The following NCOR1 variants were observed in gnomAD, a reference collection of about 807,000 sequenced individuals.
NCOR1 encodes protein phosphatase 1, regulatory subunit 109.
NCOR1 carries 63 observed loss-of-function variants against 288.1 expected under a neutral mutation model. That is an observed-to-expected ratio of 0.22 (90% CI 0.18 to 0.27). The LOEUF (loss-of-function observed/expected upper bound fraction) is 0.27, where lower values mean the gene tolerates loss of function less well. Among genes scored for constraint, NCOR1 ranks in the 10% least tolerant of loss-of-function variants. The pLI, the probability that NCOR1 is intolerant of heterozygous loss-of-function variation, is 1.00. For synonymous variants in NCOR1, 1,007 were observed against 1,065.9 expected (o/e 0.94, Z 1.08); for missense variants, 2,397 against 3,019.2 (o/e 0.79, Z 4.83).
intron 16 of NCOR1, among the ~76,000 whole-genome samples, chr17:16,119,764 C>T (rs1345977794): frequency 6.6e-6 from 1 of 152,076 alleles, no homozygotes; most frequent in Non-Finnish European, 1.5e-5. Flanking sequence ...CTACCTCACC[C>T]AGTAGCTTCC....
At chr17:16,116,631 T>C (rs1598857588) in intron 18 of NCOR1, among the ~76,000 whole-genome samples, 1 of 152,270 alleles carries the variant, frequency 6.6e-6, no homozygotes, top group East Asian at 1.9e-4. Context: ...TGACATTCCA[T>C]GAAAAAGGGG....
At chr17:16,100,225 A>G (rs1222455201) in intron 20 of NCOR1, among the ~76,000 whole-genome samples, 1 of 152,228 alleles carries the variant, frequency 6.6e-6, no homozygotes, top group Non-Finnish European at 1.5e-5. Flanking sequence ...CCAGGAAATA[A>G]AATATATTAA....
At chr17:16,059,814 T>C (rs988347081) in intron 37 of NCOR1, among the ~76,000 whole-genome samples, 1 of 152,112 alleles carries the variant, frequency 6.6e-6, no homozygotes, top group Admixed American at 6.5e-5. Context: ...TACTCAACAG[T>C]CCTTCCTATC....
At chr17:16,036,523 A>G (rs924024317) in intron 44 of NCOR1, among the ~76,000 whole-genome samples, 2 of 152,216 alleles carry the variant, frequency 1.3e-5, no homozygotes, top group African/African-American at 2.4e-5. Context: ...TTTTGTCTAC[A>G]TGGAAGATCT....
rs2092471155 is a variant in NCOR1, at chr17:16,215,468, G to A, written c.-177C>T. On this transcript the variant is annotated 5_prime_UTR_variant, in exon 1 of 46. Transcript: ENST00000268712. The stretch of plus-strand genomic sequence containing the variant: ...GGACCTCGTTCGGCGCGGCGAGTCG[G>A]ACGCTCACTCCAGCCGCCGCCGCCG... 2 of 398,040 alleles carry A rather than the reference G, an allele frequency of 5.0e-6. No homozygotes were observed. The highest frequency in any genetic ancestry group is 4.4e-5 in the Admixed American group (1 of 22,692). 24.7% of individuals were successfully genotyped at this position (398,040 alleles called of 1,614,324 possible).
chr17:16,128,704 T>C (rs1051548329), intron 14 of NCOR1, among the ~76,000 whole-genome samples: 1 of 152,236 alleles, frequency 6.6e-6, no homozygotes, highest in African/African-American at 2.4e-5. Context: ...CCAGACAATA[T>C]GGAAGTAACT....
intron 40 of NCOR1, 91 bp from the exon 41 acceptor site, chr17:16,049,079 G>A (rs2059002628): frequency 3.0e-6 from 4 of 1,343,556 alleles, no homozygotes; most frequent in Non-Finnish European, 9.9e-7. Context: ...ACTTCATTCA[G>A]GAGAAGGAGC....
At chr17:16,033,181 C>A (rs1015056749) in intron 45 of NCOR1, among the ~76,000 whole-genome samples, 2 of 151,686 alleles carry the variant, frequency 1.3e-5, no homozygotes, top group Non-Finnish European at 2.9e-5. Context: ...CCCCATCTTA[C>A]AAAATTAGCC....
chr17:16,040,016 C>T (rs757126218), intron 43 of NCOR1: 3 of 391,984 alleles, frequency 7.7e-6, no homozygotes, highest in Non-Finnish European at 1.5e-5. Flanking sequence ...TCTCGAATTC[C>T]GAACCTCAGG....
At chr17:16,124,485 G>T (rs1333346410) in intron 15 of NCOR1, among the ~76,000 whole-genome samples, 1 of 152,216 alleles carries the variant, frequency 6.6e-6, no homozygotes, top group Non-Finnish European at 1.5e-5. Flanking sequence ...AGTTACACAA[G>T]TGCATATGCT....
At chr17:16,056,264 T>C (rs907102193) in intron 40 of NCOR1, among the ~76,000 whole-genome samples, 4 of 152,050 alleles carry the variant, frequency 2.6e-5, no homozygotes, top group African/African-American at 9.7e-5. Context: ...GCCAGAATCT[T>C]TGATCTGCCC....
intron 2 of NCOR1, among the ~76,000 whole-genome samples, chr17:16,193,492 CA>C (rs2089042257): frequency 1.3e-5 from 2 of 152,130 alleles, no homozygotes; most frequent in Admixed American, 1.3e-4. Flanking sequence ...CTCAGCCTCC[CA>C]AAATGCTGGG....
At chr17:16,131,539 C>T (rs2075637902) in intron 14 of NCOR1, among the ~76,000 whole-genome samples, 1 of 151,632 alleles carries the variant, frequency 6.6e-6, no homozygotes, top group Non-Finnish European at 1.5e-5. Flanking sequence ...AAATAAGTTG[C>T]CAAAAAACGA....
At chr17:16,186,433 A>G in intron 3 of NCOR1, 121 bp downstream of exon 3, 2 of 1,065,328 alleles carry the variant, frequency 1.9e-6, no homozygotes, top group Non-Finnish European at 2.6e-6. Context: ...AGAACTCAAA[A>G]TGCAAACTAT....
chr17:16,186,530 G>C, intron 3 of NCOR1, 24 bp downstream of exon 3: 1 of 1,602,452 alleles, frequency 6.2e-7, no homozygotes. Context: ...ATCCTAGATA[G>C]AAACATAAAA....
In NCOR1 at chr17:16,062,194, G is replaced by C. The variant is rs774791546; in HGVS notation, c.5298C>G (p.Thr1766=). 1 of 1,614,022 alleles carries C rather than the reference G, an allele frequency of 6.2e-7. No individual in the cohort carries two copies. Among genetic ancestry groups the C allele is most frequent in the African/African-American group, 1.3e-5 (1 of 75,018 alleles). ...SPSPSVRTQE[T]MLQQRPSVFQ... ...AAACACTGGGTCTCTGTTGCAACATGGTCTCCTGAGTTCTTACTGAAGGGG... is the reference window on the plus strand; with the variant it reads ...AAACACTGGGTCTCTGTTGCAACATCGTCTCCTGAGTTCTTACTGAAGGGG... The change falls in exon 36 of 46, where the codon ACC becomes ACG. Residue 1766 remains threonine (T), a synonymous_variant. Coordinates refer to ENST00000268712, the MANE Select transcript of NCOR1 (RefSeq NM_006311.4).
In NCOR1 at chr17:16,035,605, G is replaced by A. The variant is rs371302231; in HGVS notation, c.6956-661C>T. ...GGCTGCACTGCAGTGGCACAATCAC[G>A]GCTTACCAGCTCACTAAAGCCTCAA... On this transcript the variant is annotated intron_variant, in intron 44 of 45. Transcript: ENST00000268712. Among the ~76,000 whole-genome samples, 10 of 149,076 alleles carry A rather than the reference G, an allele frequency of 6.7e-5. No individual in the cohort carries two copies. The South Asian group carries it at 1.5e-3, about 22-fold the overall frequency.
At chr17:16,083,040 G>A (rs936548521) in intron 23 of NCOR1, among the ~76,000 whole-genome samples, 8 of 151,948 alleles carry the variant, frequency 5.3e-5, no homozygotes, top group African/African-American at 1.9e-4. Flanking sequence ...AGACCATCCT[G>A]GCCAACATGG....
At chr17:16,069,925 T>C (rs1708745577) in intron 31 of NCOR1, among the ~76,000 whole-genome samples, 2 of 152,184 alleles carry the variant, frequency 1.3e-5, no homozygotes, top group Non-Finnish European at 2.9e-5. Context: ...AAAAATATAC[T>C]TACTCTATAG....
Sources: allele counts gnomAD v4.1 joint callset (sites outside exome capture counted in the v4.1 genomes callset), GRCh38; gene constraint gnomAD v4.1.1; transcripts MANE v1.5; gene names NCBI Gene and HGNC (gene_info 2026-07-23, HGNC 2026-07-21).